Variants in GTF2E2 observed in about 807,000 individuals in gnomAD.
GTF2E2 encodes the protein transcription initiation factor IIE subunit beta.
In GTF2E2, 21 loss-of-function variants were observed where a neutral mutation model predicts 40.5. That is an observed-to-expected ratio of 0.52 (90% CI 0.37 to 0.75). The LOEUF is 0.75. GTF2E2 is among the 30% of genes least tolerant of loss of function. GTF2E2 has a pLI of 0.00. For synonymous variants in GTF2E2, 117 were observed against 121.6 expected (o/e 0.96, Z 0.25); for missense variants, 298 against 338.4 (o/e 0.88, Z 0.94).
At chr8:30,605,583 T>C (rs1005069180) in intron 6 of GTF2E2, among the ~76,000 whole-genome samples, 2 of 152,158 alleles carry the variant, frequency 1.3e-5, no homozygotes, top group African/African-American at 2.4e-5. Context: ...TTCAAAATGA[T>C]TGTTATTATA....
intron 3 of GTF2E2, among the ~76,000 whole-genome samples, chr8:30,625,788 G>A (rs181781973): frequency 1.9e-3 from 286 of 152,154 alleles, no homozygotes; most frequent in South Asian, 2.9e-3. Context: ...TATTAGAGAC[G>A]GGGTTTTGCC....
intron 5 of GTF2E2, among the ~76,000 whole-genome samples, chr8:30,611,996 T>C (rs111569985): frequency 1.6e-4 from 24 of 152,328 alleles, no homozygotes; most frequent in African/African-American, 5.5e-4. Flanking sequence ...ACACTCTTAT[T>C]TACAAACAGA....
chr8:30,592,431 GCT>G (rs1217516569), intron 6 of GTF2E2, among the ~76,000 whole-genome samples: 2 of 152,090 alleles, frequency 1.3e-5, no homozygotes, highest in African/African-American at 4.8e-5. Flanking sequence ...ATAGCTACTA[GCT>G]CTGTTATTGA....
At chr8:30,615,187 G>A (rs936849272) in intron 3 of GTF2E2, among the ~76,000 whole-genome samples, 7 of 152,092 alleles carry the variant, frequency 4.6e-5, no homozygotes, top group African/African-American at 1.7e-4. Flanking sequence ...GCTGAGGCAG[G>A]AGAATCGCTT....
intron 2 of GTF2E2, chr8:30,645,492 C>A: frequency 6.5e-7 from 1 of 1,535,616 alleles, no homozygotes; most frequent in Non-Finnish European, 8.7e-7. Context: ...TGCTTGACTG[C>A]TGCTGCTGTG....
At chr8:30,595,886 G>A (rs1427407324) in intron 6 of GTF2E2, among the ~76,000 whole-genome samples, 1 of 152,032 alleles carries the variant, frequency 6.6e-6, no homozygotes, top group Non-Finnish European at 1.5e-5. Context: ...AAGAAAAGAA[G>A]AGAAAAGAAA....
At chr8:30,643,374 G>C (rs1439195348) in intron 2 of GTF2E2, 1 of 152,128 alleles carries the variant, frequency 6.6e-6, no homozygotes, top group African/African-American at 2.4e-5. Context: ...TAAGTACATG[G>C]GAGGCCAGGC....
intron 2 of GTF2E2, among the ~76,000 whole-genome samples, chr8:30,638,033 G>A (rs1801670057): frequency 6.6e-6 from 1 of 152,166 alleles, no homozygotes; most frequent in Non-Finnish European, 1.5e-5. Flanking sequence ...TTGAATGCAG[G>A]TAGTGTATTT....
chr8:30,623,028 C>G (rs1402222477), intron 3 of GTF2E2, among the ~76,000 whole-genome samples: 1 of 152,040 alleles, frequency 6.6e-6, no homozygotes, highest in African/African-American at 2.4e-5. Context: ...AAAGTAAAGA[C>G]AGGCATAGGA....
intron 4 of GTF2E2, among the ~76,000 whole-genome samples, chr8:30,613,793 T>A (rs957403061): frequency 6.6e-6 from 1 of 152,246 alleles, no homozygotes. Context: ...TAGAAAGTAG[T>A]CTTCTTAGTT....
intron 1 of GTF2E2, among the ~76,000 whole-genome samples, chr8:30,654,422 A>ACT (rs1802391589): frequency 6.6e-6 from 1 of 152,200 alleles, no homozygotes; most frequent in Non-Finnish European, 1.5e-5. Flanking sequence ...AAAAATTAAG[A>ACT]GACAGTGTCT....
chr8:30,629,425 G>A (rs1288992947), intron 3 of GTF2E2, among the ~76,000 whole-genome samples: 2 of 152,044 alleles, frequency 1.3e-5, no homozygotes, highest in African/African-American at 2.4e-5. Flanking sequence ...TGTTGCTCAC[G>A]CCTGTAATCC....
At chr8:30,582,856 A>G (rs1828552787) in intron 6 of GTF2E2, among the ~76,000 whole-genome samples, 1 of 152,222 alleles carries the variant, frequency 6.6e-6, no homozygotes. Flanking sequence ...TGAAGCTATC[A>G]GTTTTTCCTT....
chr8:30,645,560 T>G (rs1288837326), intron 2 of GTF2E2: 4 of 1,535,518 alleles, frequency 2.6e-6, no homozygotes, highest in African/African-American at 1.4e-5. Flanking sequence ...AGAAGTATGA[T>G]GGACAACATC....
chr8:30,636,893 T>C, intron 2 of GTF2E2: 2 of 404,550 alleles, frequency 4.9e-6, no homozygotes, highest in Middle Eastern at 7.2e-4. Context: ...TATAGGTGCT[T>C]TTCCATTCAC....
At chr8:30,652,400 T>A (rs914265932) in intron 2 of GTF2E2, among the ~76,000 whole-genome samples, 16 of 151,830 alleles carry the variant, frequency 1.1e-4, no homozygotes, top group Admixed American at 1.0e-3. Context: ...GTTTTTTTTA[T>A]GGGCAAAAAA....
intron 2 of GTF2E2, chr8:30,636,897 C>A: frequency 2.5e-6 from 1 of 403,448 alleles, no homozygotes; most frequent in Non-Finnish European, 4.8e-6. Flanking sequence ...GGTGCTTTTC[C>A]ATTCACTGTT....
Position 30,587,050 on chromosome 8 carries a change from G to A in GTF2E2, c.644-6654C>T, listed in dbSNP as rs1010499654. On this transcript the variant is annotated intron_variant, in intron 6 of 7. Transcript: ENST00000355904. ...AAGCTGCAGCATGGCAAAGTAAACA[G>A]ACTGAAGAGACAACCTACAAACTGG... Among the ~76,000 whole-genome samples, 3 of 152,190 alleles carry A rather than the reference G, an allele frequency of 2.0e-5. No homozygotes were observed. In the East Asian group the frequency reaches 5.8e-4, roughly 29 times the overall value.
intron 3 of GTF2E2, among the ~76,000 whole-genome samples, chr8:30,619,437 G>A (rs1801020418): frequency 6.7e-6 from 1 of 148,950 alleles, no homozygotes; most frequent in East Asian, 2.0e-4. Flanking sequence ...TGCCCACGCT[G>A]GAGTGCAATG....
Sources: allele counts gnomAD v4.1 joint callset (sites outside exome capture counted in the v4.1 genomes callset), GRCh38; gene constraint gnomAD v4.1.1; transcripts MANE v1.5; gene names NCBI Gene and HGNC (gene_info 2026-07-23, HGNC 2026-07-21).